The following AUTS2 variants were observed in gnomAD, a reference collection of about 807,000 sequenced individuals.
The protein encoded by AUTS2 is autism susceptibility gene 2 protein.
In AUTS2, 17 loss-of-function variants were observed where a neutral mutation model predicts 112.4. That is an observed-to-expected ratio of 0.15 (90% CI 0.10 to 0.23). The LOEUF is 0.23. Among genes scored for constraint, AUTS2 ranks in the 10% least tolerant of loss-of-function variants. AUTS2 has a pLI of 1.00. For missense variants in AUTS2, 1,510 were observed against 1,701.6 expected (o/e 0.89, Z 1.98); for synonymous variants, 751 against 702.7 (o/e 1.07, Z -1.09).
chr7:70,333,350 CT>C (rs1309198360), intron 4 of AUTS2, among the ~76,000 whole-genome samples: 1 of 152,178 alleles, frequency 6.6e-6, no homozygotes. Flanking sequence ...TGCTTTTACA[CT>C]GTTGGTGGGA....
At chr7:70,454,410 A>C (rs1695358602) in intron 5 of AUTS2, among the ~76,000 whole-genome samples, 1 of 151,916 alleles carries the variant, frequency 6.6e-6, no homozygotes, top group South Asian at 2.1e-4. Flanking sequence ...GGTGGCAGGC[A>C]CCTGTAATCC....
intron 1 of AUTS2, among the ~76,000 whole-genome samples, chr7:69,671,028 A>G (rs1796298243): frequency 6.6e-6 from 1 of 152,226 alleles, no homozygotes; most frequent in African/African-American, 2.4e-5. Flanking sequence ...TTTAGGTAGA[A>G]TGTTGGCACC....
At chr7:69,781,491 G>A (rs943895634) in intron 1 of AUTS2, among the ~76,000 whole-genome samples, 4 of 152,150 alleles carry the variant, frequency 2.6e-5, no homozygotes, top group Non-Finnish European at 4.4e-5. Context: ...GCTTGGCCTC[G>A]GCATAAGCTC....
chr7:70,674,878 A>G (rs907702990), intron 5 of AUTS2, among the ~76,000 whole-genome samples: 1 of 152,246 alleles, frequency 6.6e-6, no homozygotes, highest in Non-Finnish European at 1.5e-5. Flanking sequence ...GAACAGAGCT[A>G]GATCCCATTG....
chr7:70,787,052 C>G (rs2129560961), intron 17 of AUTS2, 157 bp from the exon 18 acceptor site: 1 of 786,180 alleles, frequency 1.3e-6, no homozygotes, highest in Non-Finnish European at 2.2e-6. Context: ...AAGACTTCCT[C>G]TAATGAATTT....
At chr7:69,942,090 A>G (rs1796647516) in intron 2 of AUTS2, among the ~76,000 whole-genome samples, 2 of 152,136 alleles carry the variant, frequency 1.3e-5, no homozygotes, top group Non-Finnish European at 2.9e-5. Context: ...TGCACTTCAG[A>G]CTTTTCACAA....
intron 5 of AUTS2, among the ~76,000 whole-genome samples, chr7:70,641,940 G>C (rs567700646): frequency 2.6e-5 from 4 of 152,290 alleles, no homozygotes; most frequent in East Asian, 3.9e-4. Context: ...CCTAGTATCA[G>C]ATAGCTAAGG....
At chr7:69,600,533 A>G (rs1427274554) in intron 1 of AUTS2, among the ~76,000 whole-genome samples, 12 of 91,854 alleles carry the variant, frequency 1.3e-4, no homozygotes, top group African/African-American at 5.3e-4. Flanking sequence ...TTACCCCCCC[A>G]TATTCTTTTT....
At chr7:70,110,057 A>G (rs1428513385) in intron 2 of AUTS2, among the ~76,000 whole-genome samples, 1 of 152,202 alleles carries the variant, frequency 6.6e-6, no homozygotes, top group Admixed American at 6.5e-5. Flanking sequence ...AGAGTTAACA[A>G]TTCTCTTGAT....
chr7:69,969,512 C>G (rs1797761694), intron 2 of AUTS2, among the ~76,000 whole-genome samples: 1 of 152,180 alleles, frequency 6.6e-6, no homozygotes, highest in African/African-American at 2.4e-5. Flanking sequence ...CAGTGATTCT[C>G]TGCAGAACTT....
At chr7:70,250,555 CTT>C (rs1786537809) in intron 4 of AUTS2, among the ~76,000 whole-genome samples, 2 of 152,176 alleles carry the variant, frequency 1.3e-5, no homozygotes, top group South Asian at 4.1e-4. Flanking sequence ...TAACATCTCT[CTT>C]GTTTTTAATT....
At chr7:70,099,702 AT>A (rs1488542865) in intron 2 of AUTS2, among the ~76,000 whole-genome samples, 3 of 152,308 alleles carry the variant, frequency 2.0e-5, no homozygotes, top group African/African-American at 7.2e-5. Flanking sequence ...TTAAATTAAA[AT>A]GATGGTTATT....
chr7:70,697,259 A>C (rs1363905701), intron 5 of AUTS2, among the ~76,000 whole-genome samples: 1 of 152,188 alleles, frequency 6.6e-6, no homozygotes, highest in Admixed American at 6.5e-5. Flanking sequence ...GTTTATGTTA[A>C]ACTGCATGTA....
chr7:70,147,105 C>T (rs1003056223), intron 4 of AUTS2, among the ~76,000 whole-genome samples: 2 of 151,694 alleles, frequency 1.3e-5, no homozygotes, highest in Admixed American at 1.3e-4. Context: ...GCTTATAGTC[C>T]CAGCTGCTTG....
chr7:70,089,421 A>G (rs1803790206), intron 2 of AUTS2, among the ~76,000 whole-genome samples: 1 of 152,108 alleles, frequency 6.6e-6, no homozygotes, highest in Non-Finnish European at 1.5e-5. Flanking sequence ...CTATTGATAT[A>G]GCTATTGCAG....
At chr7:69,706,737 A>G (rs939553075) in intron 1 of AUTS2, among the ~76,000 whole-genome samples, 6 of 152,306 alleles carry the variant, frequency 3.9e-5, no homozygotes, top group African/African-American at 1.4e-4. Flanking sequence ...AATTTATTAA[A>G]TGGAGACAAG....
At chr7:70,407,447 C>T (rs1033743886) in intron 4 of AUTS2, among the ~76,000 whole-genome samples, 4 of 152,058 alleles carry the variant, frequency 2.6e-5, no homozygotes, top group Admixed American at 1.3e-4. Flanking sequence ...AAGAACCGGT[C>T]GGGAGTATGT....
intron 5 of AUTS2, among the ~76,000 whole-genome samples, chr7:70,687,446 G>A (rs1025819760): frequency 3.3e-5 from 5 of 152,192 alleles, no homozygotes; most frequent in African/African-American, 4.8e-5. Context: ...TGTAGATTTG[G>A]TGGTTAAGTA....
chr7:70,245,589 C>A (rs1011440570), intron 4 of AUTS2, among the ~76,000 whole-genome samples: 3 of 152,122 alleles, frequency 2.0e-5, no homozygotes, highest in African/African-American at 7.2e-5. Flanking sequence ...CATTCATTTT[C>A]ACTGCCCTGT....
Sources: gnomAD v4.1 joint callset for allele counts (sites outside exome capture counted in the v4.1 genomes callset) on GRCh38, gnomAD v4.1.1 for gene constraint, MANE v1.5 for transcripts, NCBI Gene and HGNC (gene_info 2026-07-23, HGNC 2026-07-21) for gene names.